Variants in DSCAM observed in about 807,000 individuals in gnomAD.
The protein encoded by DSCAM is cell adhesion molecule DSCAM.
DSCAM carries 47 observed loss-of-function variants against 217.7 expected under a neutral mutation model. The observed-to-expected ratio is 0.22, with a 90% CI of 0.17 to 0.28. The LOEUF (loss-of-function observed/expected upper bound fraction) is 0.28. Among genes scored for constraint, DSCAM ranks in the 10% least tolerant of loss-of-function variants. DSCAM has a pLI of 1.00. For missense variants in DSCAM, 2,080 were observed against 2,618.3 expected (o/e 0.79, Z 4.49); for synonymous variants, 1,056 against 1,015.3 (o/e 1.04, Z -0.76).
chr21:40,264,056 T>TAAAA (rs113936417), intron 11 of DSCAM, among the ~76,000 whole-genome samples: 107 of 148,048 alleles, frequency 7.2e-4, no homozygotes, highest in East Asian at 4.1e-3. Flanking sequence ...GAATCAGCAA[T>TAAAA]AAAAAAAAAA....
intron 3 of DSCAM, among the ~76,000 whole-genome samples, chr21:40,613,773 C>T (rs187434083): frequency 7.6e-4 from 115 of 151,138 alleles, no homozygotes; most frequent in African/African-American, 2.6e-3. Context: ...CAGGGAATCT[C>T]ATGCTGATGG....
intron 11 of DSCAM, among the ~76,000 whole-genome samples, chr21:40,270,879 G>A (rs114362137): frequency 5.8e-4 from 88 of 152,324 alleles, no homozygotes; most frequent in African/African-American, 1.9e-3. Context: ...AGATTTGTGG[G>A]TACTGGTGGC....
intron 15 of DSCAM, among the ~76,000 whole-genome samples, chr21:40,169,759 G>A (rs1162371120): frequency 6.6e-6 from 1 of 152,102 alleles, no homozygotes; most frequent in Non-Finnish European, 1.5e-5. Context: ...AGAGAGAGGA[G>A]GTGGGGGTTA....
At chr21:40,229,029 G>C (rs992342831) in intron 11 of DSCAM, among the ~76,000 whole-genome samples, 1 of 152,142 alleles carries the variant, frequency 6.6e-6, no homozygotes, top group Non-Finnish European at 1.5e-5. Flanking sequence ...CTCTTCCCTA[G>C]CTTGTTTGTA....
intron 3 of DSCAM, among the ~76,000 whole-genome samples, chr21:40,390,797 T>G (rs1434256800): frequency 6.6e-6 from 1 of 152,196 alleles, no homozygotes; most frequent in Non-Finnish European, 1.5e-5. Flanking sequence ...CCCATCCTAC[T>G]CCAATACAAC....
intron 4 of DSCAM, among the ~76,000 whole-genome samples, chr21:40,359,254 A>G (rs533245380): frequency 6.6e-6 from 1 of 152,342 alleles, no homozygotes; most frequent in East Asian, 1.9e-4. Context: ...TCACATCCAC[A>G]TCACAGCAAA....
In DSCAM at chr21:40,338,457, T is replaced by C. The variant is rs766113320; in HGVS notation, c.1508-81A>G. On this transcript the variant is annotated intron_variant, in intron 7 of 32. Coordinates refer to ENST00000400454, the MANE Select transcript of DSCAM (RefSeq NM_001389.5). The stretch of plus-strand genomic sequence containing the variant: ...GAAATGGGTACACTTTTCCTTGAGT[T>C]AAAAATGTAGATTATATTCATGTAA... 2.4e-5 allele frequency: 34 copies of C among 1,401,238 alleles called. 1 individual carries two copies. The highest frequency in any genetic ancestry group is 3.7e-4 in the Middle Eastern group (2 of 5,334). The allele number at this position is 1,401,238 out of a possible 1,614,324, so 86.8% of individuals were successfully genotyped here.
intron 15 of DSCAM, among the ~76,000 whole-genome samples, chr21:40,173,405 A>G (rs1021428944): frequency 1.3e-5 from 2 of 152,164 alleles, no homozygotes; most frequent in Admixed American, 6.5e-5. Flanking sequence ...GGTATACACA[A>G]TGTGTATGAG....
chr21:40,674,959 ATT>A (rs2090320959), intron 3 of DSCAM, among the ~76,000 whole-genome samples: 1 of 152,112 alleles, frequency 6.6e-6, no homozygotes, highest in Non-Finnish European at 1.5e-5. Context: ...GTCAGTTAAT[ATT>A]TGTTACTAAG....
intron 1 of DSCAM, among the ~76,000 whole-genome samples, chr21:40,727,491 G>A (rs762749294): frequency 2.0e-5 from 3 of 152,084 alleles, no homozygotes; most frequent in Non-Finnish European, 4.4e-5. Flanking sequence ...CTTAACAGTT[G>A]CCCAACCCAA....
intron 6 of DSCAM, among the ~76,000 whole-genome samples, chr21:40,343,532 T>C (rs1011351954): frequency 6.6e-5 from 10 of 152,304 alleles, no homozygotes; most frequent in Admixed American, 5.9e-4. Context: ...TCTGTATATA[T>C]TGAGATAATC....
chr21:40,207,923 A>C (rs58604405), intron 11 of DSCAM, among the ~76,000 whole-genome samples: 1 of 152,180 alleles, frequency 6.6e-6, no homozygotes, highest in East Asian at 1.9e-4. Flanking sequence ...GAAGGACACC[A>C]GTCAGATTAG....
Position 40,610,516 on chromosome 21 carries a change from C to G in DSCAM, c.508+82294G>C, listed in dbSNP as rs956303685. On this transcript the variant is annotated intron_variant, in intron 3 of 32. Transcript: ENST00000400454. Reference sequence around the variant, plus strand: ...TCCGGTGGGAACATATGTGCTTATACGACTTTATGTGTGGGGCTGTGTGAT... The same window carrying G: ...TCCGGTGGGAACATATGTGCTTATAGGACTTTATGTGTGGGGCTGTGTGAT... 4.6e-5 allele frequency among the ~76,000 whole-genome samples: 7 copies of G among 152,276 alleles called. No homozygotes were observed. The East Asian group carries it at 7.7e-4, about 17-fold the overall frequency.
intron 4 of DSCAM, among the ~76,000 whole-genome samples, chr21:40,367,323 T>C (rs374256866): frequency 2.2e-4 from 34 of 152,306 alleles, no homozygotes; most frequent in African/African-American, 7.5e-4. Flanking sequence ...GTCCTGTTGT[T>C]GCCAGTAATC....
At chr21:40,770,516 AG>A in intron 1 of DSCAM, among the ~76,000 whole-genome samples, 1 of 152,240 alleles carries the variant, frequency 6.6e-6, no homozygotes, top group East Asian at 1.9e-4. Flanking sequence ...CCATGGAAAA[AG>A]AATGCAATAT....
intron 1 of DSCAM, among the ~76,000 whole-genome samples, chr21:40,773,816 GC>G (rs1406995598): frequency 1.3e-5 from 2 of 152,224 alleles, no homozygotes; most frequent in Admixed American, 1.3e-4. Flanking sequence ...AAGTGTGAGA[GC>G]AATCTTGTAA....
intron 9 of DSCAM, among the ~76,000 whole-genome samples, chr21:40,306,331 G>A (rs1352862616): frequency 6.6e-6 from 1 of 150,586 alleles, no homozygotes; most frequent in African/African-American, 2.5e-5. Flanking sequence ...ATCAGCTTAA[G>A]AAGATTTTGG....
At position 40,101,371 on chromosome 21, in the gene DSCAM, C is replaced by A. The variant is rs147266070; in HGVS notation, c.3697-7497G>T. ...ACTGATTTCTTGGTCCACCAGATAA[C>A]ATGGTGGCATGAGAAGAACAGGGCT... On this transcript the variant is annotated intron_variant, in intron 20 of 32. Transcript: ENST00000400454. Among the ~76,000 whole-genome samples, 714 of 152,300 alleles carry A rather than the reference C, an allele frequency of 4.7e-3. 3 individuals are homozygous for A. Among genetic ancestry groups the A allele is most frequent in the African/African-American group, 0.017 (686 of 41,564 alleles).
chr21:40,693,021 A>C, intron 2 of DSCAM, 65 bp from the exon 3 acceptor site: 1,083 of 1,520,534 alleles, frequency 7.1e-4, no homozygotes, highest in Non-Finnish European at 9.0e-4. Flanking sequence ...AGAGTATCTC[A>C]CTGTAATATA....
Sources: allele counts gnomAD v4.1 joint callset (sites outside exome capture counted in the v4.1 genomes callset), GRCh38; gene constraint gnomAD v4.1.1; transcripts MANE v1.5; gene names NCBI Gene and HGNC (gene_info 2026-07-23, HGNC 2026-07-21).